The following SPATS2L variants were observed in gnomAD, a reference collection of about 807,000 sequenced individuals.
SPATS2L encodes spermatogenesis associated serine rich 2 like.
SPATS2L carries 30 observed loss-of-function variants against 59.6 expected under a neutral mutation model. The observed-to-expected ratio is 0.50, with a 90% CI of 0.38 to 0.68. The LOEUF (loss-of-function observed/expected upper bound fraction) is 0.68, where lower values mean the gene tolerates loss of function less well. SPATS2L is among the 30% of genes least tolerant of loss of function. SPATS2L has a pLI of 0.00. For missense variants in SPATS2L, 615 were observed against 700.0 expected (o/e 0.88, Z 1.37); for synonymous variants, 252 against 263.5 (o/e 0.96, Z 0.42).
chr2:200,309,101 A>G (rs1337568253), intron 1 of SPATS2L: 1 of 717,898 alleles, frequency 1.4e-6, no homozygotes. Context: ...GTAAGTGGTA[A>G]GCTTTTACAT....
At chr2:200,306,261 C>T, upstream of SPATS2L, 1 of 1,002,318 alleles carries the variant, frequency 1.0e-6, no homozygotes, top group Non-Finnish European at 1.2e-6. Flanking sequence ...TATTTGCAGA[C>T]AGTGCTGAGG....
chr2:200,396,764 A>C (rs572042093), intron 3 of SPATS2L, among the ~76,000 whole-genome samples: 6 of 152,292 alleles, frequency 3.9e-5, no homozygotes, highest in African/African-American at 1.4e-4. Context: ...TTTGGGGAAA[A>C]ATTTGCAGGA....
intron 3 of SPATS2L, among the ~76,000 whole-genome samples, chr2:200,393,444 A>T (rs1216134239): frequency 6.6e-6 from 1 of 152,244 alleles, no homozygotes; most frequent in Non-Finnish European, 1.5e-5. Flanking sequence ...GCAGTGTCAG[A>T]TGTCTACCTG....
intron 2 of SPATS2L, among the ~76,000 whole-genome samples, chr2:200,345,440 A>G (rs2080479834): frequency 6.6e-6 from 1 of 151,872 alleles, no homozygotes; most frequent in Non-Finnish European, 1.5e-5. Flanking sequence ...TTTCAGCTGA[A>G]CATGTGTGCT....
In SPATS2L at chr2:200,482,252, AT is replaced by A. The variant is rs906541158; in HGVS notation, c.*4223del. 2 of 152,188 alleles carry A rather than the reference AT, an allele frequency of 1.3e-5. No individual in the cohort carries two copies. Among genetic ancestry groups the A allele is most frequent in the African/African-American group, 4.8e-5 (2 of 41,444 alleles). 9.4% of individuals were successfully genotyped at this position (152,188 alleles called of 1,614,324 possible). ...TAAAATCTTTTTGCTTCTTTAATAA[AT>A]TCTAACAAAGTTTTGTGTTTATTCT... On this transcript the variant is annotated 3_prime_UTR_variant, in exon 13 of 13. Transcript: ENST00000409140.
intron 10 of SPATS2L, among the ~76,000 whole-genome samples, chr2:200,468,619 C>T (rs1455124986): frequency 2.0e-5 from 3 of 152,212 alleles, no homozygotes; most frequent in Non-Finnish European, 4.4e-5. Flanking sequence ...AGCTTCTCTG[C>T]TCTGGCCTTT....
chr2:200,465,679 G>A (rs960235197), intron 9 of SPATS2L, among the ~76,000 whole-genome samples: 1 of 152,196 alleles, frequency 6.6e-6, no homozygotes, highest in African/African-American at 2.4e-5. Context: ...AGATGATAAA[G>A]CTGTATGAGT....
At chr2:200,381,987 A>G (rs770787760) in intron 2 of SPATS2L, among the ~76,000 whole-genome samples, 2 of 152,132 alleles carry the variant, frequency 1.3e-5, no homozygotes, top group Non-Finnish European at 2.9e-5. Context: ...TTGTTGGCTG[A>G]GGGCCCACTA....
Position 200,406,710 on chromosome 2 carries a change from A to G in SPATS2L, c.40-5601A>G, listed in dbSNP as rs571837959. On this transcript the variant is annotated intron_variant, in intron 3 of 12. Coordinates refer to ENST00000409140, the MANE Select transcript of SPATS2L (RefSeq NM_001100423.2). ...CACTTAGCACAAGTTGCAGTGATAT[A>G]TTTTAATTTCTGTGTTTATATCCGT... 1.1e-3 allele frequency among the ~76,000 whole-genome samples: 168 copies of G among 152,324 alleles called. 2 individuals are homozygous for G. The highest frequency in any genetic ancestry group is 3.8e-3 in the African/African-American group (157 of 41,568).
At chr2:200,339,166 C>A (rs186752822) in intron 2 of SPATS2L, among the ~76,000 whole-genome samples, 85 of 152,254 alleles carry the variant, frequency 5.6e-4, no homozygotes, top group African/African-American at 1.8e-3. Context: ...GTATATAGGG[C>A]AAAGAGTAAA....
chr2:200,320,892 TAAG>T (rs1350666582), intron 1 of SPATS2L, among the ~76,000 whole-genome samples: 3 of 152,178 alleles, frequency 2.0e-5, no homozygotes, highest in Non-Finnish European at 2.9e-5. Context: ...ATAGTATTCT[TAAG>T]AAACACAAAT....
intron 2 of SPATS2L, among the ~76,000 whole-genome samples, chr2:200,381,352 C>G (rs1300472668): frequency 1.3e-5 from 2 of 152,132 alleles, no homozygotes; most frequent in Non-Finnish European, 2.9e-5. Flanking sequence ...ACCTGTAGTA[C>G]CTGAGAGCCA....
At chr2:200,471,217 A>G (rs1201348695) in intron 11 of SPATS2L, among the ~76,000 whole-genome samples, 1 of 152,162 alleles carries the variant, frequency 6.6e-6, no homozygotes, top group Non-Finnish European at 1.5e-5. Flanking sequence ...CCTTGTCCAC[A>G]CATCCTTGCC....
At chr2:200,361,079 A>T (rs1050899345) in intron 2 of SPATS2L, among the ~76,000 whole-genome samples, 3 of 73,886 alleles carry the variant, frequency 4.1e-5, no homozygotes, top group Admixed American at 2.9e-4. Context: ...TCCCCACCCC[A>T]CCCCCCCACA....
chr2:200,381,550 G>A (rs769920934), intron 2 of SPATS2L, among the ~76,000 whole-genome samples: 12 of 152,168 alleles, frequency 7.9e-5, no homozygotes, highest in East Asian at 1.9e-4. Context: ...GCCAATTGAC[G>A]GCAGTAGGAG....
chr2:200,464,580 C>T (rs571611444), intron 9 of SPATS2L, among the ~76,000 whole-genome samples: 12 of 152,282 alleles, frequency 7.9e-5, no homozygotes, highest in African/African-American at 2.9e-4. Flanking sequence ...TGTGTCATCA[C>T]TGAGGGCCTA....
chr2:200,359,532 T>C (rs2081028665), intron 2 of SPATS2L, among the ~76,000 whole-genome samples: 1 of 152,250 alleles, frequency 6.6e-6, no homozygotes, highest in Non-Finnish European at 1.5e-5. Flanking sequence ...CTTCTCTGTC[T>C]TCCAATGACT....
chr2:200,317,179 A>C (rs956601457), intron 1 of SPATS2L, among the ~76,000 whole-genome samples: 1 of 152,182 alleles, frequency 6.6e-6, no homozygotes, highest in Admixed American at 6.5e-5. Flanking sequence ...TAAAAACTCT[A>C]TTTAGTTTCC....
intron 1 of SPATS2L, 97 bp downstream of exon 1, chr2:200,307,019 G>A (rs2079039572): frequency 1.0e-6 from 1 of 955,056 alleles, no homozygotes. Flanking sequence ...ACTCGGCTGG[G>A]CCGAGCATTC....
Sources: gnomAD v4.1 joint callset for allele counts (sites outside exome capture counted in the v4.1 genomes callset) on GRCh38, gnomAD v4.1.1 for gene constraint, MANE v1.5 for transcripts, NCBI Gene and HGNC (gene_info 2026-07-23, HGNC 2026-07-21) for gene names.